SUMF1: variants seen among roughly 807,000 people sequenced by gnomAD.
SUMF1 encodes sulfatase modifying factor 1.
Under a neutral mutation model 47.6 loss-of-function variants are expected in SUMF1, and 48 were observed. That is an observed-to-expected ratio of 1.01 (90% confidence interval 0.80 to 1.28). The LOEUF is 1.28. SUMF1 is among the 50% of genes most tolerant of loss of function. The probability of loss-of-function intolerance (pLI) is 0.00; values close to 1 mark genes in which losing one functional copy is unlikely to be tolerated. For missense variants in SUMF1, 571 were observed against 485.4 expected, an observed-to-expected ratio of 1.18 and a Z score of -1.66; for synonymous variants, 230 against 192.1, an observed-to-expected ratio of 1.20 and a Z score of -1.63.
intron 8 of SUMF1, among the ~76,000 whole-genome samples, chr3:4,148,707 A>G (rs1694250563): frequency 6.6e-6 from 1 of 152,160 alleles, no homozygotes. Flanking sequence ...AATTTTCTTT[A>G]CAAAAACAGT....
chr3:4,154,720 A>T (rs1361140293), intron 8 of SUMF1, among the ~76,000 whole-genome samples: 4 of 151,604 alleles, frequency 2.6e-5, no homozygotes, highest in African/African-American at 9.8e-5. Flanking sequence ...CCCTCTGCTG[A>T]AGAAAACAGG....
At chr3:4,272,447 T>C (rs1697323923) in intron 8 of SUMF1, among the ~76,000 whole-genome samples, 1 of 152,134 alleles carries the variant, frequency 6.6e-6, no homozygotes, top group Non-Finnish European at 1.5e-5. Context: ...ATACAGGCTG[T>C]CCATGGCCCT....
At chr3:4,132,888 G>A (rs1280678520) in intron 8 of SUMF1, among the ~76,000 whole-genome samples, 1 of 152,080 alleles carries the variant, frequency 6.6e-6, no homozygotes, top group Non-Finnish European at 1.5e-5. Flanking sequence ...ACCATGCCCT[G>A]TGATTAAGGT....
At chr3:4,095,145 T>C (rs143809035) in intron 8 of SUMF1, among the ~76,000 whole-genome samples, 38 of 152,248 alleles carry the variant, frequency 2.5e-4, no homozygotes, top group African/African-American at 8.2e-4. Context: ...CTCTTAATAA[T>C]GTCTTGGCTT....
chr3:4,164,360 G>C (rs373120135), intron 8 of SUMF1, among the ~76,000 whole-genome samples: 2 of 152,152 alleles, frequency 1.3e-5, no homozygotes, highest in African/African-American at 4.8e-5. Context: ...CTCAGTGAGG[G>C]TGATGACATG....
intron 3 of SUMF1, among the ~76,000 whole-genome samples, chr3:4,436,543 T>C (rs1035783443): frequency 1.3e-5 from 2 of 148,656 alleles, no homozygotes; most frequent in African/African-American, 2.5e-5. Flanking sequence ...TAAGTGAGAA[T>C]AGAGAAAGGG....
At chr3:4,373,493 C>T (rs1284272856) in intron 8 of SUMF1, among the ~76,000 whole-genome samples, 2 of 151,630 alleles carry the variant, frequency 1.3e-5, no homozygotes, top group Non-Finnish European at 2.9e-5. Context: ...TGGCTCACAC[C>T]TGTAGTCCCA....
At chr3:4,316,643 C>A in intron 8 of SUMF1, 1 of 1,551,242 alleles carries the variant, frequency 6.4e-7, no homozygotes, top group Non-Finnish European at 8.7e-7. Context: ...TACGCAACCA[C>A]AACGAACCAT....
intron 9 of SUMF1, among the ~76,000 whole-genome samples, chr3:4,049,546 TC>T (rs1291391961): frequency 1.3e-5 from 2 of 152,004 alleles, no homozygotes; most frequent in Non-Finnish European, 2.9e-5. Context: ...TAACCACTGC[TC>T]CTCAAACCCC....
intron 8 of SUMF1, among the ~76,000 whole-genome samples, chr3:4,144,823 T>C (rs747735645): frequency 6.6e-6 from 1 of 152,134 alleles, no homozygotes; most frequent in Non-Finnish European, 1.5e-5. Context: ...GTGTGATAGC[T>C]TCATTTATTT....
chr3:4,439,090 A>G (rs750486262), intron 3 of SUMF1, among the ~76,000 whole-genome samples: 8 of 152,256 alleles, frequency 5.3e-5, no homozygotes, highest in Admixed American at 3.9e-4. Flanking sequence ...GAAATAAACA[A>G]TTACAAAACT....
chr3:4,377,784 G>T (rs1442159844), intron 7 of SUMF1, among the ~76,000 whole-genome samples: 3 of 152,150 alleles, frequency 2.0e-5, no homozygotes, highest in African/African-American at 7.2e-5. Context: ...CGTATCAGGG[G>T]AGTCTATGGG....
intron 1 of SUMF1, among the ~76,000 whole-genome samples, chr3:4,463,959 G>A (rs76909190): frequency 6.6e-6 from 1 of 152,000 alleles, no homozygotes. Flanking sequence ...AATTCTAATC[G>A]CCATAACTTT....
At chr3:4,354,105 T>G (rs1699567315) in intron 8 of SUMF1, among the ~76,000 whole-genome samples, 1 of 152,182 alleles carries the variant, frequency 6.6e-6, no homozygotes, top group Non-Finnish European at 1.5e-5. Flanking sequence ...TCCTCCTGCC[T>G]TGGCCTCCCA....
intron 8 of SUMF1, among the ~76,000 whole-genome samples, chr3:4,100,394 C>T (rs2125060946): frequency 6.6e-6 from 1 of 152,144 alleles, no homozygotes; most frequent in East Asian, 1.9e-4. Context: ...CACACGTCTA[C>T]AGTCAATTAA....
intron 8 of SUMF1, among the ~76,000 whole-genome samples, chr3:4,225,663 G>A (rs313693): frequency 0.18 from 27,712 of 151,960 alleles, 3,012 homozygotes; most frequent in South Asian, 0.38. Context: ...ATCAATCCAC[G>A]TCTCAGTGAC....
chr3:4,201,630 C>T (rs1695541924), intron 8 of SUMF1, among the ~76,000 whole-genome samples: 1 of 151,628 alleles, frequency 6.6e-6, no homozygotes, highest in Non-Finnish European at 1.5e-5. Flanking sequence ...CTTCAATACA[C>T]TGATTTCCTT....
intron 9 of SUMF1, among the ~76,000 whole-genome samples, chr3:4,040,159 G>A (rs570097969): frequency 6.6e-6 from 1 of 152,066 alleles, no homozygotes; most frequent in Non-Finnish European, 1.5e-5. Flanking sequence ...TCACAATCTG[G>A]AAATATATCA....
At chr3:4,328,226 T>C (rs1310082364) in intron 8 of SUMF1, among the ~76,000 whole-genome samples, 1 of 151,762 alleles carries the variant, frequency 6.6e-6, no homozygotes, top group African/African-American at 2.4e-5. Context: ...TCAAAATAAA[T>C]AAATATAAAT....
Sources: gnomAD v4.1 joint callset for allele counts (sites outside exome capture counted in the v4.1 genomes callset) on GRCh38, gnomAD v4.1.1 for gene constraint, MANE v1.5 for transcripts, NCBI Gene and HGNC (gene_info 2026-07-23, HGNC 2026-07-21) for gene names.